The following PLEKHA2 variants were observed in gnomAD, a reference collection of about 807,000 sequenced individuals.
PLEKHA2 encodes pleckstrin homology domain containing A2, also known as pleckstrin homology domain-containing family A member 2.
A neutral mutation model predicts 53.2 loss-of-function variants in PLEKHA2; 28 were observed. The ratio of observed to expected loss-of-function variants is 0.53; its 90% confidence interval spans 0.39 to 0.72. PLEKHA2 has a LOEUF of 0.72. PLEKHA2 is among the 30% of genes least tolerant of loss of function. The pLI, the probability that PLEKHA2 is intolerant of heterozygous loss-of-function variation, is 0.00. For missense variants in PLEKHA2, 426 were observed against 537.9 expected, an observed-to-expected ratio of 0.79 and a Z score of 2.06; for synonymous variants, 193 against 196.4, an observed-to-expected ratio of 0.98 and a Z score of 0.14.
chr8:38,913,370 G>GAA (rs35218067), intron 1 of PLEKHA2, among the ~76,000 whole-genome samples: 1,484 of 134,330 alleles, frequency 0.011, 13 homozygotes, highest in East Asian at 0.045. Context: ...TCTCAAAAAG[G>GAA]AAAAAAAAAA....
intron 10 of PLEKHA2, among the ~76,000 whole-genome samples, chr8:38,958,358 A>G (rs1834979668): frequency 6.6e-6 from 1 of 152,034 alleles, no homozygotes; most frequent in Non-Finnish European, 1.5e-5. Context: ...GAAATAAAAA[A>G]CTGACAAGTA....
intron 3 of PLEKHA2, among the ~76,000 whole-genome samples, chr8:38,936,979 T>C (rs1209093540): frequency 6.6e-6 from 1 of 152,208 alleles, no homozygotes; most frequent in Non-Finnish European, 1.5e-5. Context: ...TGGGGGCCCC[T>C]GAGCCAAGGG....
rs148634057 is a variant in PLEKHA2 at position 38,904,480 on chromosome 8, T to C, written c.-24+3035T>C. 1.9e-3 allele frequency among the ~76,000 whole-genome samples: 290 copies of C among 152,326 alleles called. 1 individual carries two copies. The highest frequency in any genetic ancestry group is 6.7e-3 in the African/African-American group (277 of 41,578). On this transcript the variant is annotated intron_variant, in intron 1 of 11. Coordinates refer to ENST00000617275, the MANE Select transcript of PLEKHA2 (RefSeq NM_021623.2). ...GCGAAGGCTGGGACTCAAATTTGGC[T>C]GGCCCCTTGCAAAGCAGCTCTCTGC...
At position 38,922,886 on chromosome 8, in the gene PLEKHA2, A is replaced by T. The variant is rs1306485861; in HGVS notation, c.141+4816A>T. Among the ~76,000 whole-genome samples the T allele has an allele frequency of 1.3e-5, 2 of 152,180 alleles. No homozygotes were observed. Among genetic ancestry groups the T allele is most frequent in the African/African-American group, 4.8e-5 (2 of 41,444 alleles). On this transcript the variant is annotated intron_variant, in intron 2 of 11. Coordinates refer to ENST00000617275, the MANE Select transcript of PLEKHA2 (RefSeq NM_021623.2). This position sits in a 1 kb window ranked among gnomAD's most constrained non-coding sequence, Gnocchi z 4.0. ...GTGCAGGTGGTAAATGCAGCGCTGG[A>T]GCCAGGTCCATCGACTCAAGTGTGC...
chr8:38,940,709 TA>T (rs1367729380), intron 3 of PLEKHA2, among the ~76,000 whole-genome samples: 2 of 150,946 alleles, frequency 1.3e-5, no homozygotes, highest in African/African-American at 4.9e-5. Flanking sequence ...ACTATTGTGT[TA>T]TGGAGCCACC....
chr8:38,918,744 G>A (rs1041958934), intron 2 of PLEKHA2, among the ~76,000 whole-genome samples: 92 of 129,624 alleles, frequency 7.1e-4, no homozygotes, highest in African/African-American at 2.4e-3. Context: ...ATGCGCACAC[G>A]CACACACCAT....
chr8:38,915,025 C>T (rs1373581374), intron 1 of PLEKHA2, among the ~76,000 whole-genome samples: 1 of 152,174 alleles, frequency 6.6e-6, no homozygotes, highest in Non-Finnish European at 1.5e-5. Flanking sequence ...TGGTTCCCTG[C>T]AGCCCCAAAT....
chr8:38,954,560 A>G (rs1834903041), intron 9 of PLEKHA2, among the ~76,000 whole-genome samples: 1 of 152,028 alleles, frequency 6.6e-6, no homozygotes, highest in Non-Finnish European at 1.5e-5. Context: ...CACTAAACTG[A>G]GTTAAGGAAG....
In PLEKHA2 at chr8:38,963,112, G is replaced by A. The variant is rs547639029; in HGVS notation, c.838-5480G>A. 8.5e-5 allele frequency among the ~76,000 whole-genome samples: 13 copies of A among 152,304 alleles called. No individual in the cohort carries two copies. In the South Asian group the frequency reaches 2.1e-3, roughly 24 times the overall value. ...TTCAAACCATTGTATCTATTATAGT[G>A]CTGGGCTTATGTTAGATAGTCAATA... On this transcript the variant is annotated intron_variant, in intron 10 of 11. Transcript: ENST00000617275.
chr8:38,907,208 A>G (rs939245233), intron 1 of PLEKHA2, among the ~76,000 whole-genome samples: 1 of 152,232 alleles, frequency 6.6e-6, no homozygotes, highest in African/African-American at 2.4e-5. Flanking sequence ...TGAAAGAAAC[A>G]TCTCTAAATT....
rs1319803900 is a variant in PLEKHA2 at position 38,943,675 on chromosome 8, A to T, written c.199-114A>T. 6 of 760,928 alleles carry T rather than the reference A, an allele frequency of 7.9e-6. No homozygotes were observed. In the South Asian group the frequency reaches 1.3e-4, roughly 16 times the overall value. The allele number at this position is 760,928 out of a possible 1,614,324, so 47.1% of individuals were successfully genotyped here. A position where few individuals can be genotyped will look rare whatever the true frequency, so the allele number is the denominator to read the frequency against. ...GGTTTTCATTTAATTATTATTTTTT[A>T]AAAATGTAGACATATGTTTAATGTA... On this transcript the variant is annotated intron_variant, in intron 3 of 11. Coordinates refer to ENST00000617275, the MANE Select transcript of PLEKHA2 (RefSeq NM_021623.2).
chr8:38,967,226 A>G (rs941772460), intron 10 of PLEKHA2, among the ~76,000 whole-genome samples: 3 of 152,200 alleles, frequency 2.0e-5, no homozygotes, highest in Admixed American at 2.0e-4. Flanking sequence ...TGACCTTACT[A>G]TTGTGAATAT....
chr8:38,963,387 G>A (rs1835074368), intron 10 of PLEKHA2, among the ~76,000 whole-genome samples: 2 of 152,160 alleles, frequency 1.3e-5, no homozygotes, highest in Non-Finnish European at 2.9e-5. Flanking sequence ...TGGGTGGGTA[G>A]ACTTCAGCTA....
chr8:38,962,712 C>G (rs939926330), intron 10 of PLEKHA2, among the ~76,000 whole-genome samples: 2 of 152,168 alleles, frequency 1.3e-5, no homozygotes, highest in Non-Finnish European at 2.9e-5. Flanking sequence ...ATTAGTTATT[C>G]GAAATGAGAA....
intron 1 of PLEKHA2, among the ~76,000 whole-genome samples, chr8:38,907,504 A>G (rs938445306): frequency 2.0e-5 from 3 of 152,218 alleles, no homozygotes; most frequent in African/African-American, 7.2e-5. Flanking sequence ...CTGGCTGGGC[A>G]CAGTGGCTCA....
At chr8:38,938,706 C>A (rs959746119) in intron 3 of PLEKHA2, among the ~76,000 whole-genome samples, 2 of 152,144 alleles carry the variant, frequency 1.3e-5, no homozygotes, top group Non-Finnish European at 2.9e-5. Flanking sequence ...TTCACAGGAC[C>A]CACCAGTCAA....
chr8:38,906,252 C>T (rs188601527), intron 1 of PLEKHA2, among the ~76,000 whole-genome samples: 8 of 152,268 alleles, frequency 5.3e-5, no homozygotes, highest in South Asian at 2.1e-4. Flanking sequence ...CCTTCAGCCC[C>T]GGGCAGGCTT....
At chr8:38,915,137 G>A (rs956298216) in intron 1 of PLEKHA2, among the ~76,000 whole-genome samples, 1 of 152,064 alleles carries the variant, frequency 6.6e-6, no homozygotes, top group Non-Finnish European at 1.5e-5. Context: ...GTGGAGACGA[G>A]GTCTCACTGT....
Position 38,971,040 on chromosome 8 carries a change from A to C in PLEKHA2, c.*1257A>C, listed in dbSNP as rs1835239007. ...AATTAGTAACTAGAGGAAGAGACTA[A>C]GAGAACTATTTTTACCTGAGTAAAT... On this transcript the variant is annotated 3_prime_UTR_variant, in exon 12 of 12. Transcript: ENST00000617275. The C allele has an allele frequency of 6.6e-6, 1 of 152,238 alleles. No homozygotes were observed. The highest frequency in any genetic ancestry group is 2.4e-5 in the African/African-American group (1 of 41,466). 9.4% of individuals were successfully genotyped at this position (152,238 alleles called of 1,614,324 possible). A position where few individuals can be genotyped will look rare whatever the true frequency, so the allele number is the denominator to read the frequency against.
Sources: allele counts gnomAD v4.1 joint callset (sites outside exome capture counted in the v4.1 genomes callset), GRCh38; gene constraint gnomAD v4.1.1; non-coding constraint Gnocchi (gnomAD v3.1); transcripts MANE v1.5; gene names NCBI Gene and HGNC (gene_info 2026-07-23, HGNC 2026-07-21).